The following SERPINI1 variants were observed in gnomAD, a reference collection of about 807,000 sequenced individuals.
SERPINI1 encodes the protein serpin family I member 1.
In SERPINI1, 19 loss-of-function variants were observed where a neutral mutation model predicts 41.1. The ratio of observed to expected loss-of-function variants is 0.46; its 90% CI spans 0.32 to 0.68. SERPINI1 has a LOEUF of 0.68. Ranked by LOEUF, SERPINI1 falls within the 30% of genes least tolerant of loss-of-function variation. The pLI, the probability that SERPINI1 is intolerant of heterozygous loss-of-function variation, is 0.03. For synonymous variants in SERPINI1, 138 were observed against 156.6 expected (o/e 0.88, Z 0.89); for missense variants, 460 against 479.2 (o/e 0.96, Z 0.37).
At chr3:167,803,889 C>G (rs569760273) in intron 5 of SERPINI1, among the ~76,000 whole-genome samples, 79 of 152,210 alleles carry the variant, frequency 5.2e-4, no homozygotes, top group South Asian at 1.0e-3. Flanking sequence ...CTGAGAATAA[C>G]AAAAATACCT....
chr3:167,774,079 AT>A (rs970399975), intron 1 of SERPINI1, among the ~76,000 whole-genome samples: 8 of 152,118 alleles, frequency 5.3e-5, no homozygotes, highest in Non-Finnish European at 7.4e-5. Flanking sequence ...AATAATAAAG[AT>A]TTTTTTCCAG....
chr3:167,788,923 AC>A (rs1727400306), intron 1 of SERPINI1, among the ~76,000 whole-genome samples, 187 bp from the exon 2 acceptor site: 1 of 152,112 alleles, frequency 6.6e-6, no homozygotes, highest in Non-Finnish European at 1.5e-5. Context: ...AACTATACAT[AC>A]TCTTAACCCC....
At chr3:167,763,956 C>T (rs1726472666) in intron 1 of SERPINI1, among the ~76,000 whole-genome samples, 1 of 152,174 alleles carries the variant, frequency 6.6e-6, no homozygotes, top group Non-Finnish European at 1.5e-5. Flanking sequence ...TTTTGCCTCA[C>T]ATTAATAATA....
At chr3:167,815,510 C>T (rs535349359) in intron 6 of SERPINI1, among the ~76,000 whole-genome samples, 63 of 152,208 alleles carry the variant, frequency 4.1e-4, no homozygotes, top group Non-Finnish European at 7.5e-4. Flanking sequence ...TGGCCTTAGC[C>T]TCCTGAGTAG....
chr3:167,800,111 A>C (rs1727854659), intron 5 of SERPINI1: 1 of 152,178 alleles, frequency 6.6e-6, no homozygotes, highest in South Asian at 2.1e-4. Context: ...ATAAGAATCT[A>C]TTCAAGAAAA....
intron 1 of SERPINI1, among the ~76,000 whole-genome samples, chr3:167,764,136 C>G (rs1238254597): frequency 6.6e-6 from 1 of 151,860 alleles, no homozygotes; most frequent in Non-Finnish European, 1.5e-5. Context: ...GCAAGAGAGC[C>G]ACAACCAAAA....
chr3:167,801,849 A>G (rs895884000), intron 5 of SERPINI1, among the ~76,000 whole-genome samples: 3 of 152,186 alleles, frequency 2.0e-5, no homozygotes, highest in African/African-American at 7.2e-5. Flanking sequence ...TTTACTCCCT[A>G]TCTTCAACTT....
intron 6 of SERPINI1, among the ~76,000 whole-genome samples, chr3:167,809,845 C>A (rs1473135481): frequency 2.0e-5 from 3 of 152,062 alleles, no homozygotes; most frequent in African/African-American, 7.2e-5. Flanking sequence ...GGACTATTTG[C>A]CCCCTTAAAC....
At chr3:167,743,579 G>A (rs1440274821) in intron 1 of SERPINI1, among the ~76,000 whole-genome samples, 2 of 151,920 alleles carry the variant, frequency 1.3e-5, no homozygotes, top group African/African-American at 4.8e-5. Context: ...TGGCTTTATC[G>A]GGATAAAGCT....
intron 1 of SERPINI1, among the ~76,000 whole-genome samples, chr3:167,746,032 T>A (rs1417990853): frequency 6.6e-6 from 1 of 152,160 alleles, no homozygotes; most frequent in South Asian, 2.1e-4. Context: ...TCAGCCACTT[T>A]TTTTGCAGCA....
At chr3:167,786,807 T>C (rs1044876495) in intron 1 of SERPINI1, among the ~76,000 whole-genome samples, 4 of 152,198 alleles carry the variant, frequency 2.6e-5, no homozygotes, top group African/African-American at 9.6e-5. Flanking sequence ...TTGACCGTTT[T>C]GTAATGCCAC....
At chr3:167,791,768 T>C (rs141895626) in intron 3 of SERPINI1, among the ~76,000 whole-genome samples, 1 of 152,324 alleles carries the variant, frequency 6.6e-6, no homozygotes, top group African/African-American at 2.4e-5. Context: ...ATTGGCAGAA[T>C]GATGTCCAGT....
intron 1 of SERPINI1, among the ~76,000 whole-genome samples, chr3:167,744,764 A>AATACATATTATATATAACTATGGTTATAT (rs1725804803): frequency 9.8e-6 from 1 of 102,512 alleles, no homozygotes; most frequent in African/African-American, 4.0e-5. Context: ...TTATATATTA[A>AATACATATTATATATAACTATGGTTATAT]ATATATATTA....
At chr3:167,806,085 A>G (rs935317254) in intron 5 of SERPINI1, among the ~76,000 whole-genome samples, 6 of 152,168 alleles carry the variant, frequency 3.9e-5, no homozygotes, top group Admixed American at 6.6e-5. Context: ...ATGTCCATCA[A>G]TGATAGACTG....
At chr3:167,788,185 G>A (rs934753585) in intron 1 of SERPINI1, among the ~76,000 whole-genome samples, 3 of 152,116 alleles carry the variant, frequency 2.0e-5, no homozygotes, top group African/African-American at 7.2e-5. Context: ...CACAAGTCAG[G>A]CTGTTTGTGG....
intron 1 of SERPINI1, among the ~76,000 whole-genome samples, chr3:167,786,507 C>CA (rs71176662): frequency 0.35 from 26,257 of 74,654 alleles, 4,583 homozygotes; most frequent in Non-Finnish European, 0.39. Context: ...GACTCCGTCT[C>CA]AAAAAAAAAA....
chr3:167,768,366 T>C (rs1207482160), intron 1 of SERPINI1, among the ~76,000 whole-genome samples: 2 of 152,204 alleles, frequency 1.3e-5, no homozygotes, highest in Non-Finnish European at 2.9e-5. Flanking sequence ...TACAGTAGAG[T>C]GTAAGCATAA....
chr3:167,788,465 A>G (rs1727385063), intron 1 of SERPINI1, among the ~76,000 whole-genome samples: 1 of 152,208 alleles, frequency 6.6e-6, no homozygotes, highest in Admixed American at 6.5e-5. Context: ...CAACTTTGGT[A>G]GGGGGCTCCT....
intron 1 of SERPINI1, among the ~76,000 whole-genome samples, chr3:167,754,971 TCA>T (rs1726152390): frequency 6.6e-6 from 1 of 152,212 alleles, no homozygotes; most frequent in Admixed American, 6.5e-5. Context: ...TTCCTGCTGT[TCA>T]CAGATATCTT....
Sources: allele counts gnomAD v4.1 joint callset (sites outside exome capture counted in the v4.1 genomes callset), GRCh38; gene constraint gnomAD v4.1.1; transcripts MANE v1.5; gene names NCBI Gene and HGNC (gene_info 2026-07-23, HGNC 2026-07-21).